Variants in ZNF318 observed in about 807,000 individuals in gnomAD.
The protein encoded by ZNF318 is endocrine regulator.
In ZNF318, 51 loss-of-function variants were observed where a neutral mutation model predicts 124.2. The ratio of observed to expected loss-of-function variants is 0.41; its 90% CI spans 0.33 to 0.52. ZNF318 has a LOEUF of 0.52. ZNF318 is among the 20% of genes least tolerant of loss of function. ZNF318 has a pLI of 0.23. For missense variants in ZNF318, 2,815 were observed against 2,811.2 expected (o/e 1.00, Z -0.03); for synonymous variants, 1,090 against 1,040.7 (o/e 1.05, Z -0.91).
At position 43,337,855 on chromosome 6, in the gene ZNF318, G is replaced by A. The variant is rs868572073; in HGVS notation, c.6143C>T (p.Ser2048Phe). ...GGAATTACACCCTATAGGTGATACA[G>A]AATTTTCTTCACACACTTTCTGACA... ...VLCQKVCEEN[S>F]VSPIGCNSSD... Residue 2048 changes from serine to phenylalanine, a missense_variant, in exon 10 of 10, where the codon TCT (serine) becomes TTT (phenylalanine). By Grantham distance (155) the Ser-to-Phe change is radical. Coordinates refer to ENST00000361428, the MANE Select transcript of ZNF318 (RefSeq NM_014345.3). 2 of 1,614,078 alleles carry A rather than the reference G, an allele frequency of 1.2e-6. No homozygotes were observed. The highest frequency in any genetic ancestry group is 2.7e-5 in the African/African-American group (2 of 74,930).
In ZNF318 at chr6:43,355,249, G is replaced by A. The variant is rs1161413388; in HGVS notation, c.2085C>T (p.His695=). The change falls in exon 4 of 10, where the codon CAC becomes CAT. Residue 695 remains histidine (H), a synonymous_variant. Coordinates refer to ENST00000361428, the MANE Select transcript of ZNF318 (RefSeq NM_014345.3). ...NTHSPEVSHP[H]PPSPVDPYLL... Reference sequence around the variant, plus strand: ...GGTAAGGATCCACAGGAGAAGGTGGGTGTGGATGGGACACCTCTGGAGAGT... The same window carrying A: ...GGTAAGGATCCACAGGAGAAGGTGGATGTGGATGGGACACCTCTGGAGAGT... 1 of 1,614,096 alleles carries A rather than the reference G, an allele frequency of 6.2e-7. No individual in the cohort carries two copies. The highest frequency in any genetic ancestry group is 8.5e-7 in the Non-Finnish European group (1 of 1,180,042).
At chr6:43,352,262 C>CCATCATCTGGGA in intron 5 of ZNF318, 115 bp downstream of exon 5, 1 of 781,686 alleles carries the variant, frequency 1.3e-6, no homozygotes, top group Admixed American at 2.7e-5. Context: ...AGTTTAATTA[C>CCATCATCTGGGA]GTCAAAAAAA....
chr6:43,339,678 T>C lies in ZNF318; in HGVS notation c.4320A>G (p.Ile1440Met), dbSNP rs1292043706. 2.5e-6 allele frequency: 4 copies of C among 1,613,390 alleles called. No homozygotes were observed. Among genetic ancestry groups the C allele is most frequent in the East Asian group, 2.2e-5 (1 of 44,898 alleles). The change falls in exon 10 of 10, where the codon ATA becomes ATG. Residue 1440 changes from isoleucine (I) to methionine (M), a missense_variant. Transcript: ENST00000361428. This position sits in a 1 kb window ranked among gnomAD's most constrained non-coding sequence, Gnocchi z 4.2. Reference sequence around the variant, plus strand: ...GTGGGGGTGGTGGAGGAGGTGGTAGTATTTGTTCAGGTAAATGAGATGGCT... The same window carrying C: ...GTGGGGGTGGTGGAGGAGGTGGTAGCATTTGTTCAGGTAAATGAGATGGCT... ...KSEPSHLPEQ[I>M]LPPPPPPPPP...
intron 4 of ZNF318, 35 bp downstream of exon 4, chr6:43,354,629 A>C (rs763432742): frequency 6.5e-7 from 1 of 1,535,534 alleles, no homozygotes; most frequent in Middle Eastern, 2.4e-4. Context: ...CAAAACAGAA[A>C]ACTCAGGCAC....
intron 7 of ZNF318, 29 bp from the exon 8 acceptor site, chr6:43,342,240 C>T: frequency 1.3e-6 from 2 of 1,543,828 alleles, no homozygotes; most frequent in Non-Finnish European, 1.8e-6. Flanking sequence ...GGTGCTCACA[C>T]AACAGCACTA....
Position 43,338,152 on chromosome 6 carries a change from T to G in ZNF318, c.5846A>C (p.Gln1949Pro). The change falls in exon 10 of 10, where the codon CAA becomes CCA. Residue 1949 changes from glutamine to proline, a missense_variant. Gln to Pro is a moderately conservative substitution (Grantham distance 76). Around this residue, in one of 4 missense-constraint regions of ZNF318, gnomAD observed 927 missense variants for 820.6 expected, o/e 1.13. Transcript: ENST00000361428. ...KLKRERSKDFQVKKIYELAVW... is the reference protein window; with the variant it reads ...KLKRERSKDFPVKKIYELAVW... ...AGCCAACTCATAGATCTTTTTAACT[T>G]GAAAGTCTTTTGATCTTTCTCTCTT... The G allele has an allele frequency of 6.2e-7, 1 of 1,613,958 alleles. No individual in the cohort carries two copies.
At position 43,369,338 on chromosome 6, in the gene ZNF318, C is replaced by A; in HGVS notation, c.28G>T (p.Val10Phe). 7.5e-7 allele frequency: 1 copy of A among 1,339,328 alleles called. No individual in the cohort carries two copies. Among genetic ancestry groups the A allele is most frequent in the Non-Finnish European group, 9.6e-7 (1 of 1,037,402 alleles). 83.0% of individuals were successfully genotyped at this position (1,339,328 alleles called of 1,614,324 possible). A position where few individuals can be genotyped will look rare whatever the true frequency, so the allele number is the denominator to read the frequency against. The change falls in exon 1 of 10, where the codon GTC (valine) becomes TTC (phenylalanine). Residue 10 changes from valine (V) to phenylalanine (F), a missense_variant. Val to Phe is a conservative substitution (Grantham distance 50). Around this residue, in one of 4 missense-constraint regions of ZNF318, gnomAD observed 1,377 missense variants for 1,353.5 expected, o/e 1.02. Coordinates refer to ENST00000361428, the MANE Select transcript of ZNF318 (RefSeq NM_014345.3). MYRSSARSS[V>F]SSHRPKDDGG... is the part of the protein sequence containing the mutation. ...TCGTCTTTAGGCCGGTGGGAAGAGACGGAGGAGCGAGCGCTGCTGCGGTAC... is the reference window on the plus strand; with the variant it reads ...TCGTCTTTAGGCCGGTGGGAAGAGAAGGAGGAGCGAGCGCTGCTGCGGTAC...
intron 4 of ZNF318, 30 bp downstream of exon 4, chr6:43,354,634 A>C (rs774755332): frequency 2.6e-6 from 4 of 1,543,012 alleles, no homozygotes; most frequent in Non-Finnish European, 3.5e-6. Flanking sequence ...CAGAAAACTC[A>C]GGCACAGGAT....
In ZNF318 at chr6:43,339,272, C is replaced by T; in HGVS notation, c.4726G>A (p.Gly1576Ser). The part of the protein sequence containing the change: ...KDLYDIFYSS[G>S]GKGAPETKGA... ...TTAGTCTCAGGGGCCCCCTTTCCAC[C>T]ACTACTATAGAATATGTCATACAGG... Residue 1576 changes from glycine to serine, a missense_variant, in exon 10 of 10, where the codon GGT becomes AGT. Physicochemically the swap from Gly to Ser is moderately conservative, Grantham distance 56. Transcript: ENST00000361428. The surrounding 1 kb of genome is among the most constrained non-coding windows in gnomAD (Gnocchi z 4.2). The T allele has an allele frequency of 1.9e-6, 3 of 1,614,166 alleles. No homozygotes were observed. Among genetic ancestry groups the T allele is most frequent in the Non-Finnish European group, 1.7e-6 (2 of 1,180,048 alleles).
At position 43,340,451 on chromosome 6, in the gene ZNF318, G is replaced by A. The variant is rs758711236; in HGVS notation, c.3547C>T (p.Gln1183Ter). 1 of 1,613,312 alleles carries A rather than the reference G, an allele frequency of 6.2e-7. No individual in the cohort carries two copies. The highest frequency in any genetic ancestry group is 8.5e-7 in the Non-Finnish European group (1 of 1,179,828). The change falls in exon 10 of 10, where the codon CAA (glutamine) becomes TAA (stop). Residue 1183 changes from glutamine (Q) to a stop codon, truncating the protein, a stop_gained. Transcript: ENST00000361428. LOFTEE classifies it high-confidence loss of function. ...LYEERRNLDR[Q>*]AGLAVVLETE... ...TCTAGGACCACAGCCAAGCCAGCTT[G>A]GCGGTCCAGATTCCGCCGCTCCTCA...
At position 43,348,314 on chromosome 6, in the gene ZNF318, G is replaced by A. The variant is rs1562131030; in HGVS notation, c.3072+10C>T. The A allele has an allele frequency of 6.3e-7, 1 of 1,589,504 alleles. No homozygotes were observed. The highest frequency in any genetic ancestry group is 8.5e-7 in the Non-Finnish European group (1 of 1,170,690). On this transcript the variant is annotated intron_variant, in intron 6 of 9. Transcript: ENST00000361428. ...AAAAGATGATAGAAATGGAAAAATTGAGTTGTTACCTTGTTGGAGGAGGAG... is the reference window on the plus strand; with the variant it reads ...AAAAGATGATAGAAATGGAAAAATTAAGTTGTTACCTTGTTGGAGGAGGAG...
chr6:43,356,498 G>A (rs753341325), intron 3 of ZNF318, among the ~76,000 whole-genome samples: 27 of 152,196 alleles, frequency 1.8e-4, no homozygotes, highest in Non-Finnish European at 3.1e-4. Flanking sequence ...CTGAAGTGGG[G>A]AGAGGAAACT....
chr6:43,369,448 A>AGCCGCC lies in ZNF318; in HGVS notation c.-89_-84dup. ...GCTCGGAGCGCGCCGCCGCAGCTGC[A>AGCCGCC]GCCGCCGCCACCTCGGCCGCTGCGC... On this transcript the variant is annotated 5_prime_UTR_variant, in exon 1 of 10. Transcript: ENST00000361428. The AGCCGCC allele has an allele frequency of 8.3e-6, 9 of 1,079,578 alleles. No homozygotes were observed. Among genetic ancestry groups the AGCCGCC allele is most frequent in the Non-Finnish European group, 1.0e-5 (9 of 876,900 alleles). 66.9% of individuals were successfully genotyped at this position (1,079,578 alleles called of 1,614,324 possible).
Position 43,369,287 on chromosome 6 carries a change from G to A in ZNF318, c.79C>T (p.Arg27Cys). 7.5e-7 allele frequency: 1 copy of A among 1,336,052 alleles called. No homozygotes were observed. Among genetic ancestry groups the A allele is most frequent in the Non-Finnish European group, 9.6e-7 (1 of 1,038,100 alleles). 82.8% of individuals were successfully genotyped at this position (1,336,052 alleles called of 1,614,324 possible). A position where few individuals can be genotyped will look rare whatever the true frequency, so the allele number is the denominator to read the frequency against. The part of the protein sequence containing the change: ...DDGGGGPRSG[R>C]SSGSSSGPAR... Reference sequence around the variant, plus strand: ...GGGCCTGAGGAGGAGCCAGAGCTGCGGCCGCTGCGCGGGCCGCCCCCGCCG... The same window carrying A: ...GGGCCTGAGGAGGAGCCAGAGCTGCAGCCGCTGCGCGGGCCGCCCCCGCCG... The change falls in exon 1 of 10, where the codon CGC becomes TGC. Residue 27 changes from arginine (R) to cysteine (C), a missense_variant. By Grantham distance (180) the Arg-to-Cys change is radical. Transcript: ENST00000361428.
intron 1 of ZNF318, among the ~76,000 whole-genome samples, chr6:43,367,406 C>T (rs1290194735): frequency 6.6e-6 from 1 of 152,094 alleles, no homozygotes; most frequent in African/African-American, 2.4e-5. Context: ...GTGTAACCTC[C>T]AGAACAAACT....
intron 5 of ZNF318, among the ~76,000 whole-genome samples, chr6:43,349,466 T>C (rs1224518339): frequency 2.0e-5 from 3 of 151,142 alleles, no homozygotes; most frequent in Non-Finnish European, 4.4e-5. Context: ...CTCAAAGTGA[T>C]CTGCCTGCTT....
At chr6:43,359,746 A>G (rs1422086875) in intron 2 of ZNF318, among the ~76,000 whole-genome samples, 2 of 152,208 alleles carry the variant, frequency 1.3e-5, no homozygotes, top group Non-Finnish European at 2.9e-5. Context: ...GAATAAATTT[A>G]TGAAAGGTTA....
chr6:43,348,689 C>A, intron 5 of ZNF318, 64 bp from the exon 6 acceptor site: 1 of 1,547,842 alleles, frequency 6.5e-7, no homozygotes, highest in South Asian at 1.2e-5. Flanking sequence ...TTCTCATTTA[C>A]AAGCAATAAT....
Position 43,342,106 on chromosome 6 carries a change from A to G in ZNF318, c.3376+6T>C, listed in dbSNP as rs1312039878. ...AAACCACAAAGGTGGCAAAAAGGAAACATACCTTTTGCAGGAACAGTTATC... is the reference window on the plus strand; with the variant it reads ...AAACCACAAAGGTGGCAAAAAGGAAGCATACCTTTTGCAGGAACAGTTATC... On this transcript the variant is annotated splice_donor_region_variant and intron_variant, in intron 8 of 9. Transcript: ENST00000361428. 6.2e-7 allele frequency: 1 copy of G among 1,613,242 alleles called. No homozygotes were observed. The highest frequency in any genetic ancestry group is 1.7e-5 in the Admixed American group (1 of 60,008).
Sources: gnomAD v4.1 joint callset for allele counts (sites outside exome capture counted in the v4.1 genomes callset) on GRCh38, gnomAD v4.1.1 for gene constraint, gnomAD v4.1.1 regional missense constraint, Gnocchi (gnomAD v3.1) non-coding constraint, MANE v1.5 for transcripts, NCBI Gene and HGNC (gene_info 2026-07-23, HGNC 2026-07-21) for gene names.